ZYG11B: variants seen among roughly 807,000 people sequenced by gnomAD.
ZYG11B encodes protein zyg-11 homolog B.
In ZYG11B, 36 loss-of-function variants were observed where a neutral mutation model predicts 82.4. The ratio of observed to expected loss-of-function variants is 0.44; its 90% CI spans 0.33 to 0.58. ZYG11B has a LOEUF of 0.58. Ranked by LOEUF, ZYG11B falls within the 20% of genes least tolerant of loss-of-function variation. The pLI is 0.02. For synonymous variants in ZYG11B, 303 were observed against 312.8 expected (o/e 0.97, Z 0.33); for missense variants, 552 against 895.6 (o/e 0.62, Z 4.90).
intron 2 of ZYG11B, 22 bp from the exon 3 acceptor site, chr1:52,770,998 A>G (rs1367147052): frequency 3.2e-6 from 5 of 1,578,338 alleles, no homozygotes; most frequent in Non-Finnish European, 4.3e-6. Context: ...TTGAATTTAA[A>G]ACGCTGCTTG....
chr1:52,746,679 C>T (rs1293050626), intron 1 of ZYG11B, among the ~76,000 whole-genome samples: 2 of 75,894 alleles, frequency 2.6e-5, no homozygotes, highest in African/African-American at 9.6e-5. Context: ...AAATAAAGAT[C>T]GGCCACTGTT....
At chr1:52,730,712 G>A (rs1644323682) in intron 1 of ZYG11B, among the ~76,000 whole-genome samples, 1 of 152,122 alleles carries the variant, frequency 6.6e-6, no homozygotes, top group Admixed American at 6.6e-5. Flanking sequence ...GGGCATGGTG[G>A]TGCATGCCTG....
rs569979221 is a variant in ZYG11B at position 52,805,039 on chromosome 1, C to T, written c.1695+2900C>T. The stretch of plus-strand genomic sequence containing the variant: ...CCGGGAGGCGGGGGTTGCTGTGAGC[C>T]GAGATCGCACCATTGCACTCCAGCC... On this transcript the variant is annotated intron_variant, in intron 10 of 13. Transcript: ENST00000294353. 634 of 148,106 alleles carry T rather than the reference C, an allele frequency of 4.3e-3. 1 individual carries two copies. Among genetic ancestry groups the T allele is most frequent in the Non-Finnish European group, 7.1e-3 (483 of 68,280 alleles). The allele number at this position is 148,106 out of a possible 1,614,324, so 9.2% of individuals were successfully genotyped here.
At chr1:52,732,593 C>T (rs907483298) in intron 1 of ZYG11B, among the ~76,000 whole-genome samples, 2 of 152,052 alleles carry the variant, frequency 1.3e-5, no homozygotes, top group South Asian at 2.1e-4. Context: ...AAAGACACCC[C>T]GTCTCTACTA....
At chr1:52,763,417 T>C (rs1644653428) in intron 2 of ZYG11B, among the ~76,000 whole-genome samples, 1 of 152,194 alleles carries the variant, frequency 6.6e-6, no homozygotes, top group African/African-American at 2.4e-5. Context: ...TTTAGAATTA[T>C]TTTTTATTTT....
At chr1:52,776,539 A>AG (rs1425442617) in intron 3 of ZYG11B, among the ~76,000 whole-genome samples, 1 of 151,310 alleles carries the variant, frequency 6.6e-6, no homozygotes, top group Non-Finnish European at 1.5e-5. Flanking sequence ...GTCTCAAAAA[A>AG]AAAAAAAAAA....
rs1188284800 is a variant in ZYG11B, at chr1:52,772,539, A to T, written c.951+765A>T. The T allele has an allele frequency of 6.8e-6, 11 of 1,610,460 alleles. No homozygotes were observed. In the African/African-American group the frequency reaches 1.5e-4, roughly 22 times the overall value. On this transcript the variant is annotated intron_variant, in intron 3 of 13. Coordinates refer to ENST00000294353, the MANE Select transcript of ZYG11B (RefSeq NM_024646.3). ...AAGGCCCTTCTTGGCCAGTTTGTAA[A>T]TCTGCTCCTTCACGTCGTCAGATGT...
intron 13 of ZYG11B, among the ~76,000 whole-genome samples, chr1:52,818,263 G>A (rs997246527): frequency 2.8e-4 from 43 of 151,554 alleles, no homozygotes; most frequent in Admixed American, 2.7e-3. Context: ...GCTTGAGCCC[G>A]GGAGTTTGAG....
At chr1:52,795,694 T>G (rs1645001151) in intron 6 of ZYG11B, among the ~76,000 whole-genome samples, 2 of 152,180 alleles carry the variant, frequency 1.3e-5, no homozygotes, top group South Asian at 2.1e-4. Context: ...TACATAAAAT[T>G]TCAACATTTC....
At chr1:52,766,356 T>G (rs1290265892) in intron 2 of ZYG11B, among the ~76,000 whole-genome samples, 1 of 151,988 alleles carries the variant, frequency 6.6e-6, no homozygotes, top group Non-Finnish European at 1.5e-5. Flanking sequence ...CCTGACCTCA[T>G]GATCTGCCTG....
rs2149938780 is a variant in ZYG11B at position 52,771,850 on chromosome 1, G to A, written c.951+76G>A. The A allele has an allele frequency of 2.0e-6, 3 of 1,469,798 alleles. No homozygotes were observed. The highest frequency in any genetic ancestry group is 2.3e-5 in the East Asian group (1 of 44,002). The allele number at this position is 1,469,798 out of a possible 1,614,324, so 91.0% of individuals were successfully genotyped here. A position where few individuals can be genotyped will look rare whatever the true frequency, so the allele number is the denominator to read the frequency against. On this transcript the variant is annotated intron_variant, in intron 3 of 13. Transcript: ENST00000294353. The surrounding 1 kb of genome is among the most constrained non-coding windows in gnomAD (Gnocchi z 5.4). Reference sequence around the variant, plus strand: ...GCATAAGACTCTATTAAAGATGAATGTCTGTAATATATGGAACATGTTCAT... The same window carrying A: ...GCATAAGACTCTATTAAAGATGAATATCTGTAATATATGGAACATGTTCAT...
chr1:52,741,084 G>A (rs1644425775), intron 1 of ZYG11B, among the ~76,000 whole-genome samples: 1 of 151,610 alleles, frequency 6.6e-6, no homozygotes. Context: ...GATCACCTGA[G>A]GCCAGGAGTT....
In ZYG11B at chr1:52,771,658, G is replaced by A; in HGVS notation, c.835G>A (p.Val279Met). 2 of 1,614,204 alleles carry A rather than the reference G, an allele frequency of 1.2e-6. No homozygotes were observed. Among genetic ancestry groups the A allele is most frequent in the Non-Finnish European group, 8.5e-7 (1 of 1,180,028 alleles). ...VSLDVSGRKHVTDKAVEAFIQ... is the reference protein window; with the variant it reads ...VSLDVSGRKHMTDKAVEAFIQ... ...TCTGGATGTTTCTGGGAGAAAGCAC[G>A]TGACAGATAAAGCCGTTGAAGCCTT... Residue 279 changes from valine to methionine, a missense_variant, in exon 3 of 14, where the codon GTG becomes ATG. Transcript: ENST00000294353. The surrounding 1 kb of genome is among the most constrained non-coding windows in gnomAD (Gnocchi z 5.4).
intron 3 of ZYG11B, among the ~76,000 whole-genome samples, chr1:52,777,469 G>C (rs1644819750): frequency 6.6e-6 from 1 of 151,706 alleles, no homozygotes; most frequent in African/African-American, 2.4e-5. Context: ...TTTTTTGATA[G>C]AGTCTCACTC....
At chr1:52,807,088 C>G (rs1025483395) in intron 10 of ZYG11B, among the ~76,000 whole-genome samples, 3 of 151,854 alleles carry the variant, frequency 2.0e-5, no homozygotes, top group Non-Finnish European at 4.4e-5. Flanking sequence ...AGGGTGGTCT[C>G]AAACTCCTGA....
rs1433302312 is a variant in ZYG11B at position 52,824,590 on chromosome 1, TATC to T, written c.*2964_*2966del. On this transcript the variant is annotated 3_prime_UTR_variant, in exon 14 of 14. Transcript: ENST00000294353. ...GGAGGTGGAGGTTGTGGTGAGCCAATATCATGCCACTGCACTCCAGCCTGGGTG... is the reference window on the plus strand; with the variant it reads ...GGAGGTGGAGGTTGTGGTGAGCCAATATGCCACTGCACTCCAGCCTGGGTG... 1 of 149,668 alleles carries T rather than the reference TATC, an allele frequency of 6.7e-6. No individual in the cohort carries two copies. Among genetic ancestry groups the T allele is most frequent in the Non-Finnish European group, 1.5e-5 (1 of 67,440 alleles). 9.3% of individuals were successfully genotyped at this position (149,668 alleles called of 1,614,324 possible).
chr1:52,798,416 C>G (rs1645046380), intron 8 of ZYG11B, among the ~76,000 whole-genome samples: 1 of 152,052 alleles, frequency 6.6e-6, no homozygotes. Flanking sequence ...GAGTTCAAGA[C>G]CAGCCTGAGC....
chr1:52,740,853 C>T (rs1293939695), intron 1 of ZYG11B, among the ~76,000 whole-genome samples: 1 of 149,014 alleles, frequency 6.7e-6, no homozygotes, highest in South Asian at 2.2e-4. Flanking sequence ...GTGTGAGCCA[C>T]TGCGCCCTGC....
At chr1:52,807,805 A>G (rs12752654) in intron 10 of ZYG11B, among the ~76,000 whole-genome samples, 1 of 152,062 alleles carries the variant, frequency 6.6e-6, no homozygotes, top group Non-Finnish European at 1.5e-5. Flanking sequence ...TTTTTCTTCA[A>G]CCTAAAAGAC....
Sources: allele counts gnomAD v4.1 joint callset (sites outside exome capture counted in the v4.1 genomes callset), GRCh38; gene constraint gnomAD v4.1.1; non-coding constraint Gnocchi (gnomAD v3.1); transcripts MANE v1.5; gene names NCBI Gene and HGNC (gene_info 2026-07-23, HGNC 2026-07-21).